The following RAP1GAP variants were observed in gnomAD, a reference collection of about 807,000 sequenced individuals.
The protein encoded by RAP1GAP is RAP1 GTPase activating protein.
Under a neutral mutation model 87.2 loss-of-function variants are expected in RAP1GAP, and 35 were observed. The observed-to-expected ratio is 0.40, with a 90% confidence interval of 0.31 to 0.53. The LOEUF (loss-of-function observed/expected upper bound fraction) is 0.53. Among genes scored for constraint, RAP1GAP ranks in the 20% least tolerant of loss-of-function variants. RAP1GAP has a pLI of 0.48. For synonymous variants in RAP1GAP, 375 were observed against 363.9 expected, an observed-to-expected ratio of 1.03 and a Z score of -0.35; for missense variants, 734 against 898.9, an observed-to-expected ratio of 0.82 and a Z score of 2.35.
intron 1 of RAP1GAP, among the ~76,000 whole-genome samples, chr1:21,656,417 TAAAAAAAAAAAAAA>T (rs71661339): frequency 5.2e-5 from 5 of 96,178 alleles, no homozygotes; most frequent in Non-Finnish European, 1.1e-4. Flanking sequence ...AGACTCCATC[TAAAAAAAAAAAAAA>T]AAAAAAAAAA....
chr1:21,632,773 C>A (rs1557085), intron 2 of RAP1GAP, among the ~76,000 whole-genome samples: 66,099 of 151,374 alleles, frequency 0.44, 16,035 homozygotes, highest in Admixed American at 0.55. Flanking sequence ...CAGTGGCTCA[C>A]ACCTATAGTC....
At chr1:21,599,834 G>A (rs1020815589) in intron 20 of RAP1GAP, among the ~76,000 whole-genome samples, 1 of 152,004 alleles carries the variant, frequency 6.6e-6, no homozygotes, top group Non-Finnish European at 1.5e-5. Flanking sequence ...ATCTGACCAC[G>A]TCCCTCCCCT....
chr1:21,663,243 T>C (rs769116622), intron 1 of RAP1GAP, among the ~76,000 whole-genome samples: 3 of 152,144 alleles, frequency 2.0e-5, no homozygotes, highest in Non-Finnish European at 4.4e-5. Context: ...CAACCCTCTA[T>C]CCCTGGCAGA....
rs372638119 is a variant in RAP1GAP at position 21,613,740 on chromosome 1, G to A, written c.396-34C>T. The A allele has an allele frequency of 5.7e-6, 9 of 1,575,892 alleles. No individual in the cohort carries two copies. The highest frequency in any genetic ancestry group is 2.7e-5 in the African/African-American group (2 of 74,084). ...AGAAAGTCACACGATGAAGGCCTGG[G>A]CAGCAGGACAGGAAAATGGGAACCC... On this transcript the variant is annotated intron_variant, in intron 8 of 24. Transcript: ENST00000374765. The surrounding 1 kb of genome is among the most constrained non-coding windows in gnomAD (Gnocchi z 4.7).
Position 21,609,505 on chromosome 1 carries a change from A to ATG in RAP1GAP, c.1071+68_1071+69dup. On this transcript the variant is annotated intron_variant, in intron 15 of 24. Coordinates refer to ENST00000374765, the MANE Select transcript of RAP1GAP (RefSeq NM_002885.4). This position sits in a 1 kb window ranked among gnomAD's most constrained non-coding sequence, Gnocchi z 4.4. ...AGACTTTGGGACCTCATAAGGCAGA[A>ATG]TGTGTATGCACCCCCCAGGCCCCCA... 1 of 906,782 alleles carries ATG rather than the reference A, an allele frequency of 1.1e-6. No homozygotes were observed. The highest frequency in any genetic ancestry group is 2.9e-5 in the Admixed American group (1 of 34,206). 56.2% of individuals were successfully genotyped at this position (906,782 alleles called of 1,614,324 possible).
Position 21,598,427 on chromosome 1 carries a change from T to C in RAP1GAP, c.1852A>G (p.Ser618Gly). ...GGGGAGCTGCCCCCACTAGTGGTGC[T>C]GACACTGTCCTCCAGCCACGTGCTA... ...IYSTWLEDSV[S>G]TTSGGSSPGP... Residue 618 changes from serine (S) to glycine (G), a missense_variant, in exon 22 of 25, where the codon AGC (serine) becomes GGC (glycine). Ser to Gly is a moderately conservative substitution (Grantham distance 56). Coordinates refer to ENST00000374765, the MANE Select transcript of RAP1GAP (RefSeq NM_002885.4). The C allele has an allele frequency of 6.2e-7, 1 of 1,613,998 alleles. No homozygotes were observed. The highest frequency in any genetic ancestry group is 8.5e-7 in the Non-Finnish European group (1 of 1,179,874).
chr1:21,630,200 C>T (rs970471247), intron 2 of RAP1GAP, among the ~76,000 whole-genome samples: 5 of 152,136 alleles, frequency 3.3e-5, no homozygotes, highest in African/African-American at 1.2e-4. Flanking sequence ...GTTGCAGTGC[C>T]CTTAACACTA....
intron 2 of RAP1GAP, among the ~76,000 whole-genome samples, chr1:21,633,936 C>T (rs1325451004): frequency 6.6e-6 from 1 of 152,030 alleles, no homozygotes; most frequent in East Asian, 1.9e-4. Context: ...CTGAGAGAGG[C>T]TCCTTTGGAT....
At chr1:21,619,316 C>A (rs1282437401) in intron 4 of RAP1GAP, among the ~76,000 whole-genome samples, 1 of 151,908 alleles carries the variant, frequency 6.6e-6, no homozygotes, top group Non-Finnish European at 1.5e-5. Context: ...AACGCACGTG[C>A]CGCTGGGAGT....
intron 7 of RAP1GAP, among the ~76,000 whole-genome samples, chr1:21,616,930 A>C (rs1179274056): frequency 6.6e-6 from 1 of 152,194 alleles, no homozygotes; most frequent in Non-Finnish European, 1.5e-5. Context: ...GCCTCACAGC[A>C]ACCTCAGGAG....
At chr1:21,654,843 AAAAAAG>A (rs1185875821) in intron 1 of RAP1GAP, among the ~76,000 whole-genome samples, 2 of 151,366 alleles carry the variant, frequency 1.3e-5, no homozygotes, top group African/African-American at 2.4e-5. Flanking sequence ...AAAAGAAAAG[AAAAAAG>A]AAAAAGAAAG....
rs567763272 is a variant in RAP1GAP at position 21,607,119 on chromosome 1, C to T, written c.1297-922G>A. 2.6e-5 allele frequency among the ~76,000 whole-genome samples: 4 copies of T among 152,286 alleles called. No homozygotes were observed. The East Asian group carries it at 5.8e-4, about 22-fold the overall frequency. ...GGGTTGAGGGTGAGGTGTGACCAGC[C>T]GGCCGGGAAGCTGGAGGATGGGCAG... On this transcript the variant is annotated intron_variant, in intron 17 of 24. Coordinates refer to ENST00000374765, the MANE Select transcript of RAP1GAP (RefSeq NM_002885.4).
In RAP1GAP at chr1:21,622,391, A is replaced by G; in HGVS notation, c.-18-2341T>C. The G allele has an allele frequency of 2.4e-6, 1 of 419,252 alleles. No individual in the cohort carries two copies. 26.0% of individuals were successfully genotyped at this position (419,252 alleles called of 1,614,324 possible). A position where few individuals can be genotyped will look rare whatever the true frequency, so the allele number is the denominator to read the frequency against. On this transcript the variant is annotated intron_variant, in intron 3 of 24. Coordinates refer to ENST00000374765, the MANE Select transcript of RAP1GAP (RefSeq NM_002885.4). The surrounding 1 kb of genome is among the most constrained non-coding windows in gnomAD (Gnocchi z 5.7). ...GCCCCTCCGCGGACGGCCGGGTGGC[A>G]CCGCGGGCCGCAGCTGTGCCATCCT...
chr1:21,627,279 C>G (rs1161975684), intron 2 of RAP1GAP, among the ~76,000 whole-genome samples: 1 of 152,184 alleles, frequency 6.6e-6, no homozygotes, highest in African/African-American at 2.4e-5. Context: ...GAGGGTGACT[C>G]AGATGATCGC....
chr1:21,646,089 GACAA>G (rs566815902), intron 2 of RAP1GAP, among the ~76,000 whole-genome samples: 48 of 152,328 alleles, frequency 3.2e-4, no homozygotes, highest in Non-Finnish European at 3.5e-4. Flanking sequence ...AGTAGTAAGG[GACAA>G]ACAGTCATCT....
intron 1 of RAP1GAP, among the ~76,000 whole-genome samples, chr1:21,655,381 G>A (rs527755192): frequency 2.0e-5 from 3 of 152,184 alleles, no homozygotes; most frequent in Non-Finnish European, 4.4e-5. Context: ...CAGCCTCCAG[G>A]ACTGACACAC....
In RAP1GAP at chr1:21,619,707, G is replaced by A. The variant is rs181161892; in HGVS notation, c.18+308C>T. On this transcript the variant is annotated intron_variant, in intron 4 of 24. Transcript: ENST00000374765. ...CTGGGCCCCCCACCACAAAGCCTGC[G>A]GTGTCTCTCACTGGGTGAGAGGCAG... Among the ~76,000 whole-genome samples, 72 of 152,024 alleles carry A rather than the reference G, an allele frequency of 4.7e-4. 1 individual carries two copies. Among genetic ancestry groups the A allele is most frequent in the Non-Finnish European group, 7.8e-4 (53 of 67,966 alleles).
rs185628256 is a variant in RAP1GAP, at chr1:21,631,461, G to A, written c.-112-5064C>T. Among the ~76,000 whole-genome samples the A allele has an allele frequency of 4.4e-3, 676 of 152,302 alleles. 4 individuals are homozygous for A. The highest frequency in any genetic ancestry group is 0.014 in the African/African-American group (595 of 41,562). ...AGCACTTTGGGAGGCTGAGGCGGGT[G>A]GATCGCCTGAGGCCAGGAGTTCGTG... On this transcript the variant is annotated intron_variant, in intron 2 of 24. Transcript: ENST00000374765.
At chr1:21,661,370 A>G (rs1483652944) in intron 1 of RAP1GAP, among the ~76,000 whole-genome samples, 1 of 152,166 alleles carries the variant, frequency 6.6e-6, no homozygotes, top group Non-Finnish European at 1.5e-5. Flanking sequence ...GATCAGCTCT[A>G]TAGTCTCCTT....
Sources: allele counts gnomAD v4.1 joint callset (sites outside exome capture counted in the v4.1 genomes callset), GRCh38; gene constraint gnomAD v4.1.1; non-coding constraint Gnocchi (gnomAD v3.1); transcripts MANE v1.5; gene names NCBI Gene and HGNC (gene_info 2026-07-23, HGNC 2026-07-21).